LAMC3: variants seen among roughly 807,000 people sequenced by gnomAD.
LAMC3 encodes laminin subunit gamma 3.
Under a neutral mutation model 173.8 loss-of-function variants are expected in LAMC3, and 128 were observed. The observed-to-expected ratio is 0.74, with a 90% CI of 0.64 to 0.85. The LOEUF (loss-of-function observed/expected upper bound fraction) is 0.85, where lower values mean the gene tolerates loss of function less well. LAMC3 is among the 40% of genes least tolerant of loss of function. LAMC3 has a pLI of 0.00. For missense variants in LAMC3, 2,022 were observed against 2,156.0 expected (o/e 0.94, Z 1.23); for synonymous variants, 897 against 909.1 (o/e 0.99, Z 0.24).
chr9:131,034,939 A>ATTAT (rs61062373), intron 3 of LAMC3, among the ~76,000 whole-genome samples: 113,256 of 150,410 alleles, frequency 0.75, 42,836 homozygotes, highest in Middle Eastern at 0.83. Flanking sequence ...ACCTGAGATG[A>ATTAT]TTATTTATTT....
rs1373073127 is a variant in LAMC3, at chr9:131,009,425, G to A, written c.211G>A (p.Gly71Arg). ...TCCCCACGTGGGCGCCGCGGGCGCG[G>A]GGGCTCATTGCCAGCGCTGCGACGC... The part of the protein sequence containing the change: ...FCPHVGAAGA[G>R]AHCQRCDAAD... The change falls in exon 1 of 28, where the codon GGG (glycine) becomes AGG (arginine). Residue 71 changes from glycine (G) to arginine (R), a missense_variant. By Grantham distance (125) the Gly-to-Arg change is moderately radical. Transcript: ENST00000361069. This position sits in a 1 kb window ranked among gnomAD's most constrained non-coding sequence, Gnocchi z 4.3. 6.5e-7 allele frequency: 1 copy of A among 1,542,952 alleles called. No homozygotes were observed. Among genetic ancestry groups the A allele is most frequent in the Non-Finnish European group, 8.7e-7 (1 of 1,145,488 alleles).
intron 7 of LAMC3, among the ~76,000 whole-genome samples, chr9:131,043,613 G>A (rs1259950290): frequency 2.0e-5 from 3 of 152,212 alleles, no homozygotes; most frequent in African/African-American, 4.8e-5. Flanking sequence ...TCAAATCCAC[G>A]AATCCATACT....
At chr9:131,049,325 G>A (rs1399392539) in intron 9 of LAMC3, among the ~76,000 whole-genome samples, 195 bp downstream of exon 9, 1 of 152,186 alleles carries the variant, frequency 6.6e-6, no homozygotes, top group Non-Finnish European at 1.5e-5. Flanking sequence ...CCATGGGAAA[G>A]TCCCTTCCTT....
chr9:131,032,467 G>GCTCTCGCTCTCTTT (rs1192475371), intron 3 of LAMC3, among the ~76,000 whole-genome samples: 4 of 146,910 alleles, frequency 2.7e-5, no homozygotes, highest in East Asian at 4.1e-4. Context: ...TCCTCCCTTC[G>GCTCTCGCTCTCTTT]CTCTCGCTCT....
rs1830466351 is a variant in LAMC3, at chr9:131,093,993, T to C, written c.*2206T>C. 1 of 152,226 alleles carries C rather than the reference T, an allele frequency of 6.6e-6. No homozygotes were observed. Among genetic ancestry groups the C allele is most frequent in the South Asian group, 2.1e-4 (1 of 4,828 alleles). The allele number at this position is 152,226 out of a possible 1,614,324, so 9.4% of individuals were successfully genotyped here. On this transcript the variant is annotated 3_prime_UTR_variant, in exon 28 of 28. Transcript: ENST00000361069. ...CATGCCCAGCTAATTTTGGTATTTT[T>C]AGTAGAGACAGGGTTTCACCACGTT...
chr9:131,030,149 AG>A (rs1389983180), intron 2 of LAMC3, among the ~76,000 whole-genome samples: 2 of 152,152 alleles, frequency 1.3e-5, no homozygotes, highest in African/African-American at 4.8e-5. Context: ...CATGTTGTCC[AG>A]GCTGGTCTTG....
intron 6 of LAMC3, among the ~76,000 whole-genome samples, chr9:131,040,184 AT>A (rs57525110): frequency 0.09 from 13,085 of 145,624 alleles, 1,870 homozygotes; most frequent in African/African-American, 0.3. Flanking sequence ...CACTATCTCT[AT>A]TTTTTTTTTT....
At position 131,091,843 on chromosome 9, in the gene LAMC3, G is replaced by A. The variant is rs781401568; in HGVS notation, c.*56G>A. 4 of 1,599,332 alleles carry A rather than the reference G, an allele frequency of 2.5e-6. No homozygotes were observed. The highest frequency in any genetic ancestry group is 1.1e-5 in the South Asian group (1 of 90,396). The stretch of plus-strand genomic sequence containing the variant: ...CCACCTGCTGTTTACATGACCCAGG[G>A]GGTGCACACTACCCCACAGGTGTGC... On this transcript the variant is annotated 3_prime_UTR_variant, in exon 28 of 28. Coordinates refer to ENST00000361069, the MANE Select transcript of LAMC3 (RefSeq NM_006059.4).
At chr9:131,090,443 G>A (rs982997247) in intron 27 of LAMC3, among the ~76,000 whole-genome samples, 1 of 152,174 alleles carries the variant, frequency 6.6e-6, no homozygotes, top group Admixed American at 6.5e-5. Flanking sequence ...TTTTGCTGTG[G>A]GCCATGGGGC....
At chr9:131,072,867 C>T (rs371536099) in intron 19 of LAMC3, 32 bp downstream of exon 19, 1 of 1,585,414 alleles carries the variant, frequency 6.3e-7, no homozygotes, top group Non-Finnish European at 8.6e-7. Context: ...CCCGAACACA[C>T]CAAACCTGGG....
chr9:131,057,415 G>A (rs1829704409), intron 12 of LAMC3, among the ~76,000 whole-genome samples: 1 of 152,206 alleles, frequency 6.6e-6, no homozygotes, highest in Non-Finnish European at 1.5e-5. Flanking sequence ...GCTGCTCTGT[G>A]GGCCATCTGT....
chr9:131,066,575 T>C (rs1237685514), intron 13 of LAMC3, among the ~76,000 whole-genome samples: 1 of 152,036 alleles, frequency 6.6e-6, no homozygotes. Context: ...ATAGTGGTGA[T>C]GGTGAAGATA....
At position 131,057,161 on chromosome 9, in the gene LAMC3, C is replaced by A; in HGVS notation, c.2158+14C>A. The A allele has an allele frequency of 6.2e-7, 1 of 1,609,576 alleles. No homozygotes were observed. Among genetic ancestry groups the A allele is most frequent in the East Asian group, 2.2e-5 (1 of 44,852 alleles). ...ACCCCAACACAGGTGAGTCTCCTGGCACCCCATCCGAAGGCACCTGGGTTA... is the reference window on the plus strand; with the variant it reads ...ACCCCAACACAGGTGAGTCTCCTGGAACCCCATCCGAAGGCACCTGGGTTA... On this transcript the variant is annotated intron_variant, in intron 12 of 27. Coordinates refer to ENST00000361069, the MANE Select transcript of LAMC3 (RefSeq NM_006059.4).
At chr9:131,057,254 C>A in intron 12 of LAMC3, 107 bp downstream of exon 12, 2 of 968,528 alleles carry the variant, frequency 2.1e-6, no homozygotes, top group Non-Finnish European at 3.2e-6. Flanking sequence ...GAGGTGTTGG[C>A]CAAGCTGTGG....
In LAMC3 at chr9:131,026,404, G is replaced by C; in HGVS notation, c.493G>C (p.Ala165Pro). ...GPWEPYQFYS[A>P]SCQKTYGRPE... ...ATGGGAGCCCTACCAGTTCTACAGC[G>C]CCTCCTGCCAGAAGACCTACGGCCG... The change falls in exon 2 of 28, where the codon GCC becomes CCC. Residue 165 changes from alanine to proline, a missense_variant. Coordinates refer to ENST00000361069, the MANE Select transcript of LAMC3 (RefSeq NM_006059.4). This position sits in a 1 kb window ranked among gnomAD's most constrained non-coding sequence, Gnocchi z 4.8. 6.2e-7 allele frequency: 1 copy of C among 1,614,090 alleles called. No homozygotes were observed. Among genetic ancestry groups the C allele is most frequent in the Non-Finnish European group, 8.5e-7 (1 of 1,180,030 alleles).
rs1449708066 is a variant in LAMC3 at position 131,026,441 on chromosome 9, A to G, written c.530A>G (p.Gln177Arg). ...CQKTYGRPEG[Q>R]YLRPGEDERV... is the part of the protein sequence containing the mutation. ...AAGACCTACGGCCGGCCCGAGGGCC[A>G]GTACCTGCGCCCCGGCGAGGACGAG... The change falls in exon 2 of 28, where the codon CAG becomes CGG. Residue 177 changes from glutamine to arginine, a missense_variant. Gln to Arg is a conservative substitution (Grantham distance 43). Transcript: ENST00000361069. This position sits in a 1 kb window ranked among gnomAD's most constrained non-coding sequence, Gnocchi z 4.8. 1 of 1,613,574 alleles carries G rather than the reference A, an allele frequency of 6.2e-7. No individual in the cohort carries two copies. Among genetic ancestry groups the G allele is most frequent in the Non-Finnish European group, 8.5e-7 (1 of 1,179,898 alleles).
chr9:131,077,332 C>G lies in LAMC3; in HGVS notation c.3775C>G (p.Leu1259Val). ...YLALLASPGA[L>V]PQKSRAEDLG... ...GGCCTTGCTGGCTTCCCCGGGAGCT[C>G]TGGTCAGCTCAGTTGTCTCAGAGCT... The change falls in exon 22 of 28, where the codon CTG becomes GTG. Residue 1259 changes from leucine (L) to valine (V), a missense_variant and splice_region_variant. Transcript: ENST00000361069. The G allele has an allele frequency of 6.2e-7, 1 of 1,613,714 alleles. No homozygotes were observed. Among genetic ancestry groups the G allele is most frequent in the Non-Finnish European group, 8.5e-7 (1 of 1,180,032 alleles).
chr9:131,084,074 G>A (rs1376019222), intron 24 of LAMC3, among the ~76,000 whole-genome samples: 1 of 147,846 alleles, frequency 6.8e-6, no homozygotes, highest in African/African-American at 2.5e-5. Flanking sequence ...GTAGAGACAG[G>A]GTTTCACCAG....
At position 131,057,053 on chromosome 9, in the gene LAMC3, T is replaced by C. The variant is rs1259871485; in HGVS notation, c.2064T>C (p.Ala688=). 5.0e-6 allele frequency: 8 copies of C among 1,614,122 alleles called. No individual in the cohort carries two copies. Among genetic ancestry groups the C allele is most frequent in the Non-Finnish European group, 6.8e-6 (8 of 1,180,006 alleles). The change falls in exon 12 of 28, where the codon GCT becomes GCC. Residue 688 remains alanine (A), a synonymous_variant. Coordinates refer to ENST00000361069, the MANE Select transcript of LAMC3 (RefSeq NM_006059.4). ...GYTGQFCESC[A]PGYKREMPQG... is the part of the protein sequence containing the mutation. ...CGGGCCAGTTCTGTGAATCCTGTGCTCCGGGATACAAGAGGGAGATGCCAC... is the reference window on the plus strand; with the variant it reads ...CGGGCCAGTTCTGTGAATCCTGTGCCCCGGGATACAAGAGGGAGATGCCAC...
Sources: allele counts gnomAD v4.1 joint callset (sites outside exome capture counted in the v4.1 genomes callset), GRCh38; gene constraint gnomAD v4.1.1; non-coding constraint Gnocchi (gnomAD v3.1); transcripts MANE v1.5; gene names NCBI Gene and HGNC (gene_info 2026-07-23, HGNC 2026-07-21).